Variants in CCDC171 observed in about 807,000 individuals in gnomAD.
CCDC171 encodes coiled-coil domain-containing protein 171.
In CCDC171, 177 loss-of-function variants were observed where a neutral mutation model predicts 168.2. That is an observed-to-expected ratio of 1.05 (90% CI 0.93 to 1.19). CCDC171 has a LOEUF of 1.19. CCDC171 is among the 50% of genes most tolerant of loss of function. The pLI, the probability that CCDC171 is intolerant of heterozygous loss-of-function variation, is 0.00. For synonymous variants in CCDC171, 687 were observed against 540.8 expected, an observed-to-expected ratio of 1.27 and a Z score of -3.75; for missense variants, 1,991 against 1,539.0, an observed-to-expected ratio of 1.29 and a Z score of -4.91.
At chr9:15,646,256 A>G (rs948899583) in intron 7 of CCDC171, among the ~76,000 whole-genome samples, 2 of 152,230 alleles carry the variant, frequency 1.3e-5, no homozygotes, top group Non-Finnish European at 2.9e-5. Context: ...AGCAATAAAC[A>G]TGGAAAGGAA....
intron 24 of CCDC171, among the ~76,000 whole-genome samples, chr9:15,903,633 A>G (rs1213755588): frequency 1.3e-5 from 2 of 152,198 alleles, no homozygotes; most frequent in African/African-American, 2.4e-5. Context: ...TCCTCCTCCA[A>G]AGGAACTCGG....
intron 21 of CCDC171, among the ~76,000 whole-genome samples, chr9:15,842,974 C>G (rs1486942638): frequency 6.6e-6 from 1 of 151,788 alleles, no homozygotes; most frequent in Non-Finnish European, 1.5e-5. Context: ...TCACATTTAC[C>G]ATGTATTCTA....
chr9:15,988,581 G>A (rs996040716), intron 3 of CCDC171, among the ~76,000 whole-genome samples: 7 of 152,174 alleles, frequency 4.6e-5, no homozygotes, highest in Admixed American at 6.5e-5. Context: ...GTGGGGGTAG[G>A]ACAGTGGGTG....
At position 15,856,291 on chromosome 9, in the gene CCDC171, G is replaced by A. The variant is rs540582837; in HGVS notation, c.3468+7344G>A. 4.6e-5 allele frequency among the ~76,000 whole-genome samples: 7 copies of A among 151,948 alleles called. No homozygotes were observed. The South Asian group carries it at 1.5e-3, about 32-fold the overall frequency. Reference sequence around the variant, plus strand: ...GCAGACTTTCAGAACTTATCCATCTGGCATAACTGAAGCTTTATACCTATT... The same window carrying A: ...GCAGACTTTCAGAACTTATCCATCTAGCATAACTGAAGCTTTATACCTATT... On this transcript the variant is annotated intron_variant, in intron 23 of 25. Transcript: ENST00000380701.
intron 25 of CCDC171, among the ~76,000 whole-genome samples, chr9:15,924,012 T>G (rs1321064876): frequency 6.6e-6 from 1 of 151,462 alleles, no homozygotes; most frequent in Non-Finnish European, 1.5e-5. Flanking sequence ...AAGGCATGTA[T>G]ATAGATATAT....
At chr9:15,813,562 A>G (rs979447075) in intron 21 of CCDC171, among the ~76,000 whole-genome samples, 2 of 152,066 alleles carry the variant, frequency 1.3e-5, no homozygotes, top group African/African-American at 4.8e-5. Context: ...TAATATTACA[A>G]GTCTGTGTTT....
At chr9:15,787,887 T>C (rs1333126265) in intron 21 of CCDC171, among the ~76,000 whole-genome samples, 2 of 152,204 alleles carry the variant, frequency 1.3e-5, no homozygotes, top group Non-Finnish European at 2.9e-5. Context: ...ATATTGGTCA[T>C]TAAACAACAT....
chr9:15,866,122 G>C (rs1230653297), intron 23 of CCDC171, among the ~76,000 whole-genome samples: 3 of 151,978 alleles, frequency 2.0e-5, no homozygotes, highest in Non-Finnish European at 4.4e-5. Context: ...AATGAGGCAG[G>C]TAGTAGCTAG....
intron 6 of CCDC171, among the ~76,000 whole-genome samples, chr9:16,030,357 T>C (rs1833346172): frequency 1.3e-5 from 2 of 152,212 alleles, no homozygotes. Context: ...GATGAATAGA[T>C]AAATGTACAG....
At chr9:15,977,375 T>A (rs1046336837), downstream of CCDC171, among the ~76,000 whole-genome samples, 21 of 152,216 alleles carry the variant, frequency 1.4e-4, no homozygotes, top group African/African-American at 5.1e-4. Flanking sequence ...GATACCTAAT[T>A]GATACCACAT....
intron 3 of CCDC171, among the ~76,000 whole-genome samples, chr9:16,006,686 G>GT (rs1055445941): frequency 4.8e-4 from 73 of 151,768 alleles, no homozygotes; most frequent in Non-Finnish European, 9.7e-4. Flanking sequence ...GCAGTGTTTG[G>GT]TTTTTTGTCC....
At chr9:15,608,944 CAAAAAAAAA>C (rs71491669) in intron 6 of CCDC171, among the ~76,000 whole-genome samples, 6 of 13,708 alleles carry the variant, frequency 4.4e-4, no homozygotes, top group African/African-American at 1.3e-3. Flanking sequence ...GACCCTGTCT[CAAAAAAAAA>C]AAAAAAAAAA....
chr9:15,979,543 T>A (rs1268171381), intron 3 of CCDC171, among the ~76,000 whole-genome samples: 1 of 152,180 alleles, frequency 6.6e-6, no homozygotes, highest in Non-Finnish European at 1.5e-5. Flanking sequence ...TCTATTGAGA[T>A]GATCATGTGG....
At chr9:15,799,953 C>T (rs545027552) in intron 21 of CCDC171, among the ~76,000 whole-genome samples, 1 of 152,196 alleles carries the variant, frequency 6.6e-6, no homozygotes, top group South Asian at 2.1e-4. Flanking sequence ...ATGACAAGAT[C>T]TCATTCTCTC....
chr9:15,747,071 G>A (rs1398115661), intron 18 of CCDC171, among the ~76,000 whole-genome samples: 2 of 152,208 alleles, frequency 1.3e-5, no homozygotes, highest in Admixed American at 6.5e-5. Flanking sequence ...AGCTTGGCGG[G>A]GGGAGGGCGT....
At chr9:16,084,007 C>T in the CCDC171 span, among the ~76,000 whole-genome samples, 2 of 152,178 alleles carry the variant, frequency 1.3e-5, no homozygotes, top group Admixed American at 6.5e-5. Context: ...GACACTGAAA[C>T]ATGGTTTTTC....
intron 25 of CCDC171, among the ~76,000 whole-genome samples, chr9:15,936,303 CAA>C (rs978397494): frequency 6.6e-6 from 1 of 150,558 alleles, no homozygotes; most frequent in Non-Finnish European, 1.5e-5. Context: ...CACCAAGCCA[CAA>C]AAAAAAAGTC....
chr9:15,579,124 T>C (rs1297542365), intron 4 of CCDC171, 101 bp downstream of exon 4: 1 of 886,504 alleles, frequency 1.1e-6, no homozygotes, highest in African/African-American at 1.7e-5. Context: ...AGAGGTAAGA[T>C]TCTGATTCGT....
At chr9:15,778,919 T>C in intron 19 of CCDC171, 49 bp from the exon 20 acceptor site, 1 of 1,265,262 alleles carries the variant, frequency 7.9e-7, no homozygotes, top group Non-Finnish European at 1.1e-6. Context: ...TTGCTATTGT[T>C]AGTAAATCTG....
Sources: gnomAD v4.1 joint callset for allele counts (sites outside exome capture counted in the v4.1 genomes callset) on GRCh38, gnomAD v4.1.1 for gene constraint, MANE v1.5 for transcripts, NCBI Gene and HGNC (gene_info 2026-07-23, HGNC 2026-07-21) for gene names.